MAF: variants seen among roughly 807,000 people sequenced by gnomAD.
The protein encoded by MAF is MAF bZIP transcription factor.
MAF carries 10 observed loss-of-function variants against 22.0 expected under a neutral mutation model. The ratio of observed to expected loss-of-function variants is 0.45; its 90% CI spans 0.28 to 0.77. MAF has a LOEUF of 0.77. MAF is among the 30% of genes least tolerant of loss of function. MAF has a pLI of 0.12. For missense variants in MAF, 544 were observed against 548.4 expected, an observed-to-expected ratio of 0.99 and a Z score of 0.08; for synonymous variants, 337 against 255.8, an observed-to-expected ratio of 1.32 and a Z score of -3.03.
At chr16:79,544,770 C>T in the MAF span, among the ~76,000 whole-genome samples, 1 of 68,488 alleles carries the variant, frequency 1.5e-5, no homozygotes, top group East Asian at 4.2e-4. Flanking sequence ...AAGGCTCTGT[C>T]TCAAAAAAAA....
chr16:79,212,385 G>A, the MAF span: 1 of 481,290 alleles, frequency 2.1e-6, no homozygotes, highest in Non-Finnish European at 3.6e-6. Context: ...AGAACTACCA[G>A]GTGGCAAAGT....
At chr16:79,507,114 C>CTT in the MAF span, among the ~76,000 whole-genome samples, 3,234 of 115,164 alleles carry the variant, frequency 0.028, 149 homozygotes, top group African/African-American at 0.09. Context: ...TTTTCTGCGT[C>CTT]TTTTTTTTTT....
the MAF span, among the ~76,000 whole-genome samples, chr16:79,495,093 G>C: frequency 6.6e-6 from 1 of 152,050 alleles, no homozygotes; most frequent in Non-Finnish European, 1.5e-5. Flanking sequence ...CTCTAAACCA[G>C]GTAGTTTACA....
At chr16:79,586,081 T>C in intron 1 of MAF, 1 of 530,540 alleles carries the variant, frequency 1.9e-6, no homozygotes, top group Non-Finnish European at 3.3e-6. Flanking sequence ...TTTGTTCCAT[T>C]TGCTTTTGGG....
chr16:79,277,457 G>A, the MAF span, among the ~76,000 whole-genome samples: 2 of 152,178 alleles, frequency 1.3e-5, no homozygotes, highest in Non-Finnish European at 2.9e-5. Context: ...GCTATAAATT[G>A]TTGAATATCA....
At chr16:79,240,310 G>C in the MAF span, among the ~76,000 whole-genome samples, 27 of 151,110 alleles carry the variant, frequency 1.8e-4, no homozygotes, top group African/African-American at 6.5e-4. Context: ...AAATGTGCCC[G>C]ATTGCCCTTT....
chr16:79,297,466 A>T, the MAF span, among the ~76,000 whole-genome samples: 8 of 152,190 alleles, frequency 5.3e-5, no homozygotes, highest in Non-Finnish European at 1.5e-5. Context: ...ACAAAGTCAG[A>T]CTGTGAACGA....
At chr16:79,283,673 C>G in the MAF span, among the ~76,000 whole-genome samples, 3 of 152,290 alleles carry the variant, frequency 2.0e-5, no homozygotes, top group East Asian at 5.8e-4. Flanking sequence ...GTCGCCATAA[C>G]CAATTGCTCA....
the MAF span, among the ~76,000 whole-genome samples, chr16:79,411,709 T>A: frequency 6.6e-6 from 1 of 152,232 alleles, no homozygotes; most frequent in Non-Finnish European, 1.5e-5. Flanking sequence ...CTGTGCAACT[T>A]TCTAGACACA....
At chr16:79,317,513 C>T in the MAF span, among the ~76,000 whole-genome samples, 2 of 144,200 alleles carry the variant, frequency 1.4e-5, no homozygotes, top group African/African-American at 2.6e-5. Context: ...TTTTCTGCCT[C>T]CCTCCCTCCC....
chr16:79,441,836 G>A, the MAF span, among the ~76,000 whole-genome samples: 10 of 152,220 alleles, frequency 6.6e-5, no homozygotes, highest in Admixed American at 6.5e-4. Context: ...CTTCACATGT[G>A]TAATTGGTTA....
chr16:79,421,370 C>G, the MAF span, among the ~76,000 whole-genome samples: 1 of 152,164 alleles, frequency 6.6e-6, no homozygotes, highest in African/African-American at 2.4e-5. Flanking sequence ...TGTGCTCTGC[C>G]CATTCATCCC....
At chr16:79,378,365 G>GA in the MAF span, among the ~76,000 whole-genome samples, 3 of 152,042 alleles carry the variant, frequency 2.0e-5, no homozygotes. Context: ...GAAGCCCATA[G>GA]AAAAAAGTCA....
chr16:79,237,590 C>A, the MAF span, among the ~76,000 whole-genome samples: 3 of 152,070 alleles, frequency 2.0e-5, no homozygotes, highest in Admixed American at 2.0e-4. Context: ...CGTGGAAATT[C>A]TGAGTAGGTG....
At chr16:79,467,712 A>G in the MAF span, among the ~76,000 whole-genome samples, 1 of 152,166 alleles carries the variant, frequency 6.6e-6, no homozygotes, top group Non-Finnish European at 1.5e-5. Context: ...GGGGCCCTGC[A>G]GTCTGCGTCC....
At chr16:79,506,379 G>C in the MAF span, among the ~76,000 whole-genome samples, 1 of 152,166 alleles carries the variant, frequency 6.6e-6, no homozygotes, top group African/African-American at 2.4e-5. Flanking sequence ...GGTTTGAACA[G>C]AGAGTGGCTC....
the MAF span, among the ~76,000 whole-genome samples, chr16:79,465,658 T>C: frequency 2.0e-5 from 3 of 151,940 alleles, no homozygotes; most frequent in Non-Finnish European, 4.4e-5. Flanking sequence ...CACATATTAT[T>C]ATTTTTTTAA....
chr16:79,547,131 C>T, the MAF span, among the ~76,000 whole-genome samples: 601 of 152,140 alleles, frequency 4.0e-3, 1 homozygote, highest in African/African-American at 0.014. Flanking sequence ...ATGAGACAGA[C>T]GGTGCAGGGA....
chr16:79,463,071 C>A, the MAF span, among the ~76,000 whole-genome samples: 1 of 152,098 alleles, frequency 6.6e-6, no homozygotes, highest in Non-Finnish European at 1.5e-5. Context: ...ATGGTGGCCC[C>A]ATAAAGCTGG....
Sources: allele counts gnomAD v4.1 joint callset (sites outside exome capture counted in the v4.1 genomes callset), GRCh38; gene constraint gnomAD v4.1.1; transcripts MANE v1.5; gene names NCBI Gene and HGNC (gene_info 2026-07-23, HGNC 2026-07-21).